LRSAM1: variants seen among roughly 807,000 people sequenced by gnomAD.
The protein encoded by LRSAM1 is E3 ubiquitin-protein ligase LRSAM1.
LRSAM1 carries 96 observed loss-of-function variants against 118.1 expected under a neutral mutation model. The ratio of observed to expected loss-of-function variants is 0.81; its 90% CI spans 0.69 to 0.96. LRSAM1 has a LOEUF of 0.96. Ranked by LOEUF, LRSAM1 falls within the 40% of genes least tolerant of loss-of-function variation. The probability of loss-of-function intolerance (pLI) is 0.00; values close to 1 mark genes in which losing one functional copy is unlikely to be tolerated. For synonymous variants in LRSAM1, 322 were observed against 364.2 expected (o/e 0.88, Z 1.32); for missense variants, 804 against 915.5 (o/e 0.88, Z 1.57).
At chr9:127,482,613 C>A (rs1835582522) in intron 15 of LRSAM1, among the ~76,000 whole-genome samples, 1 of 152,220 alleles carries the variant, frequency 6.6e-6, no homozygotes, top group African/African-American at 2.4e-5. Flanking sequence ...GTCAACCAAC[C>A]TAGTAGGTGA....
At position 127,479,431 on chromosome 9, in the gene LRSAM1, G is replaced by T. The variant is rs1232732801; in HGVS notation, c.829G>T (p.Gly277Trp). The change falls in exon 13 of 26, where the codon GGG (glycine) becomes TGG (tryptophan). Residue 277 changes from glycine to tryptophan, a missense_variant. Gly to Trp is a radical substitution (Grantham distance 184). Coordinates refer to ENST00000300417, the MANE Select transcript of LRSAM1 (RefSeq NM_001005373.4). ...KLEFERRLEL[G>W]QREHTQLLQQ... ...CGAGTTTGAACGGCGCCTGGAACTG[G>T]GGCAGCGGGAGCACACCCAGCTCCT... 1 of 1,614,172 alleles carries T rather than the reference G, an allele frequency of 6.2e-7. No homozygotes were observed. The highest frequency in any genetic ancestry group is 8.5e-7 in the Non-Finnish European group (1 of 1,180,032).
intron 6 of LRSAM1, among the ~76,000 whole-genome samples, chr9:127,458,698 T>C (rs1588095523): frequency 6.6e-6 from 1 of 152,376 alleles, no homozygotes; most frequent in East Asian, 1.9e-4. Flanking sequence ...ATCGCATATT[T>C]GAAAGTCTTA....
intron 22 of LRSAM1, 25 bp from the exon 23 acceptor site, chr9:127,495,939 C>T (rs763828049): frequency 1.7e-5 from 27 of 1,611,436 alleles, no homozygotes; most frequent in Non-Finnish European, 2.1e-5. Flanking sequence ...CCTTCCTGCT[C>T]ATGGTACACG....
At chr9:127,489,010 TG>T (rs1835831681) in intron 18 of LRSAM1, among the ~76,000 whole-genome samples, 1 of 152,192 alleles carries the variant, frequency 6.6e-6, no homozygotes, top group African/African-American at 2.4e-5. Flanking sequence ...TTTCAATCTC[TG>T]TTCTAAAATG....
intron 11 of LRSAM1, among the ~76,000 whole-genome samples, chr9:127,476,651 G>A (rs551559665): frequency 3.7e-4 from 57 of 152,178 alleles, no homozygotes; most frequent in African/African-American, 1.3e-3. Context: ...TGGCATGAGC[G>A]AATTTTCGAG....
intron 24 of LRSAM1, among the ~76,000 whole-genome samples, chr9:127,499,197 A>T (rs1564285089): frequency 6.6e-6 from 1 of 151,860 alleles, no homozygotes; most frequent in African/African-American, 2.4e-5. Context: ...ACATAGGGAG[A>T]CCCCTTCTCT....
At chr9:127,473,487 G>T (rs1488723223) in intron 10 of LRSAM1, among the ~76,000 whole-genome samples, 1 of 152,184 alleles carries the variant, frequency 6.6e-6, no homozygotes, top group Non-Finnish European at 1.5e-5. Flanking sequence ...GGAATTATTG[G>T]TAGAGCTGGA....
chr9:127,464,645 TC>T (rs1834865901), intron 9 of LRSAM1, among the ~76,000 whole-genome samples: 1 of 151,576 alleles, frequency 6.6e-6, no homozygotes, highest in South Asian at 2.1e-4. Flanking sequence ...TCTGGACACT[TC>T]AATTTTTTTT....
chr9:127,502,284 G>C (rs1423425280), intron 25 of LRSAM1, among the ~76,000 whole-genome samples: 1 of 152,192 alleles, frequency 6.6e-6, no homozygotes, highest in Non-Finnish European at 1.5e-5. Context: ...ACAGCAAACT[G>C]CTAACAGAAG....
At chr9:127,458,910 T>A (rs963530667) in intron 6 of LRSAM1, 93 bp from the exon 7 acceptor site, 2 of 1,165,906 alleles carry the variant, frequency 1.7e-6, no homozygotes, top group East Asian at 4.7e-5. Flanking sequence ...GCACTGGGGG[T>A]GTGAGGTGGC....
At chr9:127,475,073 T>TA (rs78586507) in intron 11 of LRSAM1, among the ~76,000 whole-genome samples, 3,008 of 151,636 alleles carry the variant, frequency 0.02, 42 homozygotes, top group Non-Finnish European at 0.024. Context: ...TTATTATTAT[T>TA]TTATAGTTCA....
At chr9:127,459,167 G>A in intron 7 of LRSAM1, 96 bp downstream of exon 7, 1 of 1,218,476 alleles carries the variant, frequency 8.2e-7, no homozygotes, top group South Asian at 1.2e-5. Context: ...CCAGCCAGTG[G>A]AAGCAGGCTG....
At chr9:127,458,417 A>C (rs7874640) in intron 6 of LRSAM1, among the ~76,000 whole-genome samples, 84,250 of 140,658 alleles carry the variant, frequency 0.6, 26,182 homozygotes, top group African/African-American at 0.63. Flanking sequence ...AACAAAACAA[A>C]ACAAAAAAAA....
At chr9:127,492,698 G>C (rs1333556056) in intron 20 of LRSAM1, 104 bp from the exon 21 acceptor site, 21 of 1,065,642 alleles carry the variant, frequency 2.0e-5, no homozygotes, top group East Asian at 1.8e-4. Context: ...GCATTGGGCA[G>C]AGAACCGAGT....
At chr9:127,469,826 G>T (rs749417504) in intron 10 of LRSAM1, among the ~76,000 whole-genome samples, 1 of 152,008 alleles carries the variant, frequency 6.6e-6, no homozygotes, top group African/African-American at 2.4e-5. Flanking sequence ...TTAGCAAGGC[G>T]TGGTGGCGGG....
At chr9:127,484,810 C>CTTTTTTT (rs1376461812) in intron 16 of LRSAM1, among the ~76,000 whole-genome samples, 2 of 135,184 alleles carry the variant, frequency 1.5e-5, no homozygotes, top group East Asian at 2.2e-4. Flanking sequence ...TTCTTTTTTT[C>CTTTTTTT]TTTTTTTTTT....
chr9:127,470,368 C>G (rs1474324089), intron 10 of LRSAM1, among the ~76,000 whole-genome samples: 1 of 152,028 alleles, frequency 6.6e-6, no homozygotes, highest in Non-Finnish European at 1.5e-5. Flanking sequence ...ATAAAACCAT[C>G]AGATCTTGTG....
chr9:127,467,623 G>T (rs1835006029), intron 9 of LRSAM1, 117 bp from the exon 10 acceptor site: 16 of 993,606 alleles, frequency 1.6e-5, no homozygotes, highest in Middle Eastern at 2.0e-4. Context: ...CACCTCTGCT[G>T]TCAGGCCATT....
Position 127,482,995 on chromosome 9 carries a change from G to A in LRSAM1, c.1134G>A (p.Glu378=), listed in dbSNP as rs1182747386. 6.3e-7 allele frequency: 1 copy of A among 1,588,222 alleles called. No homozygotes were observed. Residue 378 remains glutamate (E), a synonymous_variant, in exon 16 of 26, where the codon GAG becomes GAA. Transcript: ENST00000300417. ...TGTCCATAACCCAGGAGGAGACTGA[G>A]AGCCTGCGGCGACGTGACGTTGCCT... The part of the protein sequence containing the change: ...QLMSITQEET[E]SLRRRDVASA...
Sources: gnomAD v4.1 joint callset for allele counts (sites outside exome capture counted in the v4.1 genomes callset) on GRCh38, gnomAD v4.1.1 for gene constraint, MANE v1.5 for transcripts, NCBI Gene and HGNC (gene_info 2026-07-23, HGNC 2026-07-21) for gene names.